LY86: variants seen among roughly 807,000 people sequenced by gnomAD.
The protein encoded by LY86 is MD-1, RP105-associated.
A neutral mutation model predicts 17.3 loss-of-function variants in LY86; 20 were observed. The ratio of observed to expected loss-of-function variants is 1.15; its 90% CI spans 0.81 to 1.68. The LOEUF is 1.68. Among genes scored for constraint, LY86 ranks in the 40% most tolerant of loss-of-function variants. LY86 has a pLI of 0.00. For missense variants in LY86, 200 were observed against 191.9 expected (o/e 1.04, Z -0.25); for synonymous variants, 74 against 70.6 (o/e 1.05, Z -0.24).
intron 1 of LY86, among the ~76,000 whole-genome samples, chr6:6,599,214 T>C (rs922819355): frequency 1.3e-5 from 2 of 152,232 alleles, no homozygotes; most frequent in African/African-American, 4.8e-5. Context: ...TTCCCATCTT[T>C]GTTATCACCT....
chr6:6,605,177 A>G (rs113928077), intron 1 of LY86, among the ~76,000 whole-genome samples: 2,086 of 152,320 alleles, frequency 0.014, 48 homozygotes, highest in African/African-American at 0.047. Flanking sequence ...TAATGATGAT[A>G]ATGATGAATT....
At chr6:6,593,789 C>T (rs900409678) in intron 1 of LY86, among the ~76,000 whole-genome samples, 5 of 152,164 alleles carry the variant, frequency 3.3e-5, no homozygotes, top group Non-Finnish European at 5.9e-5. Flanking sequence ...GATGGTGTGT[C>T]TACTGAGAGG....
chr6:6,599,737 G>T (rs774322154), intron 1 of LY86, among the ~76,000 whole-genome samples: 7 of 152,224 alleles, frequency 4.6e-5, no homozygotes, highest in African/African-American at 7.2e-5. Flanking sequence ...AAGAGCCTCA[G>T]GGCTTCAAGC....
At chr6:6,595,200 G>A (rs996839497) in intron 1 of LY86, among the ~76,000 whole-genome samples, 1 of 150,766 alleles carries the variant, frequency 6.6e-6, no homozygotes, top group Non-Finnish European at 1.5e-5. Context: ...AAGGAAGAGG[G>A]GGAGAAAGAA....
intron 1 of LY86, among the ~76,000 whole-genome samples, chr6:6,624,543 T>C (rs1037152498): frequency 6.6e-6 from 1 of 152,226 alleles, no homozygotes; most frequent in Non-Finnish European, 1.5e-5. Flanking sequence ...TCTGTTTTGA[T>C]AATAATAATA....
chr6:6,639,604 C>T (rs1762010039), intron 3 of LY86, among the ~76,000 whole-genome samples: 1 of 152,160 alleles, frequency 6.6e-6, no homozygotes, highest in East Asian at 1.9e-4. Flanking sequence ...AGTGGCATCA[C>T]TCTACTTTCT....
At chr6:6,589,121 T>C (rs893462655) in intron 1 of LY86, among the ~76,000 whole-genome samples, 1 of 152,222 alleles carries the variant, frequency 6.6e-6, no homozygotes, top group Non-Finnish European at 1.5e-5. Context: ...AATCTAAATA[T>C]AGCCATTTAC....
At chr6:6,621,411 C>G (rs1761670811) in intron 1 of LY86, 1 of 152,240 alleles carries the variant, frequency 6.6e-6, no homozygotes, top group Non-Finnish European at 1.5e-5. Flanking sequence ...CTTTAAAATG[C>G]AACCTACCAT....
chr6:6,611,859 TCTC>T, intron 1 of LY86, among the ~76,000 whole-genome samples: 1 of 152,120 alleles, frequency 6.6e-6, no homozygotes, highest in Admixed American at 6.6e-5. Flanking sequence ...ATCTAGCATC[TCTC>T]CTTCCATTTT....
intron 3 of LY86, 52 bp from the exon 4 acceptor site, chr6:6,649,573 C>A: frequency 2.6e-6 from 3 of 1,142,230 alleles, no homozygotes; most frequent in South Asian, 2.7e-5. Context: ...GTGAATGAAT[C>A]ATTTTTTTAA....
rs138410086 is a variant in LY86, at chr6:6,650,462, G to A, written c.405+785G>A. On this transcript the variant is annotated intron_variant, in intron 4 of 4. Transcript: ENST00000230568. The stretch of plus-strand genomic sequence containing the variant: ...CTATTCTTCCGCCTCAGCCTCCCAA[G>A]TAGCTTGGACTACAGGCACATGCCA... Among the ~76,000 whole-genome samples the A allele has an allele frequency of 1.3e-4, 20 of 151,792 alleles. No individual in the cohort carries two copies. In the East Asian group the frequency reaches 3.9e-3, roughly 30 times the overall value.
intron 1 of LY86, among the ~76,000 whole-genome samples, chr6:6,620,689 C>A (rs1761652907): frequency 2.0e-5 from 3 of 152,228 alleles, no homozygotes. Flanking sequence ...GTTGTCCTCC[C>A]CTCGACAGCT....
chr6:6,594,456 G>A (rs1581228755), intron 1 of LY86, among the ~76,000 whole-genome samples: 1 of 15,736 alleles, frequency 6.4e-5, no homozygotes, highest in Non-Finnish European at 4.3e-4. Flanking sequence ...TATGCTACTC[G>A]TGTTATAATG....
chr6:6,615,739 A>G (rs1013639515), intron 1 of LY86, among the ~76,000 whole-genome samples: 1 of 150,466 alleles, frequency 6.6e-6, no homozygotes, highest in African/African-American at 2.4e-5. Context: ...AAAAAAAAAA[A>G]GCTGGGCACA....
chr6:6,612,409 C>G (rs992317610), intron 1 of LY86, among the ~76,000 whole-genome samples: 1 of 152,210 alleles, frequency 6.6e-6, no homozygotes, highest in Non-Finnish European at 1.5e-5. Flanking sequence ...GGTACCTAGT[C>G]TCACTGGCCT....
At position 6,629,742 on chromosome 6, in the gene LY86, G is replaced by A. The variant is rs114230014; in HGVS notation, c.352+3321G>A. ...CTGCCTTGTCCTCAGCTAGCTTTAA[G>A]GCAAGCATCACATTGGATTCAAAGA... On this transcript the variant is annotated intron_variant, in intron 3 of 4. Transcript: ENST00000230568. 5.6e-3 allele frequency among the ~76,000 whole-genome samples: 851 copies of A among 152,304 alleles called. 8 individuals are homozygous for A. The highest frequency in any genetic ancestry group is 0.013 in the Admixed American group (204 of 15,308).
At chr6:6,611,286 A>G (rs1011476154) in intron 1 of LY86, among the ~76,000 whole-genome samples, 47 of 152,326 alleles carry the variant, frequency 3.1e-4, no homozygotes, top group African/African-American at 1.1e-3. Flanking sequence ...AGTTGGTAGA[A>G]AAGAGCCTAC....
intron 1 of LY86, among the ~76,000 whole-genome samples, chr6:6,593,839 T>C (rs565453039): frequency 3.9e-5 from 6 of 152,320 alleles, no homozygotes; most frequent in Admixed American, 3.9e-4. Context: ...TGATGCCCCT[T>C]GGTGCAGGTC....
At chr6:6,649,499 C>CA in intron 3 of LY86, 126 bp from the exon 4 acceptor site, 2 of 453,256 alleles carry the variant, frequency 4.4e-6, no homozygotes, top group Admixed American at 4.1e-5. Flanking sequence ...GAAAACATTT[C>CA]TAGCAATAGC....
Sources: gnomAD v4.1 joint callset for allele counts (sites outside exome capture counted in the v4.1 genomes callset) on GRCh38, gnomAD v4.1.1 for gene constraint, MANE v1.5 for transcripts, NCBI Gene and HGNC (gene_info 2026-07-23, HGNC 2026-07-21) for gene names.